The following ASPRV1 variants were observed in gnomAD, a reference collection of about 807,000 sequenced individuals.
ASPRV1 encodes the protein aspartic peptidase retroviral like 1.
A neutral mutation model predicts 11.0 loss-of-function variants in ASPRV1; 7 were observed. The observed-to-expected ratio is 0.64, with a 90% CI of 0.36 to 1.20. The LOEUF is 1.20. Ranked by LOEUF, ASPRV1 falls within the 50% of genes most tolerant of loss-of-function variation. ASPRV1 has a pLI of 0.02. For missense variants in ASPRV1, 299 were observed against 320.0 expected (o/e 0.93, Z 0.50); for synonymous variants, 136 against 138.4 (o/e 0.98, Z 0.12).
the ASPRV1 span, among the ~76,000 whole-genome samples, chr2:69,993,155 T>C: frequency 4.6e-5 from 7 of 152,208 alleles, no homozygotes; most frequent in Non-Finnish European, 8.8e-5. Context: ...CCTCGGCAAG[T>C]GGGCTGCCCT....
the ASPRV1 span, among the ~76,000 whole-genome samples, chr2:69,950,185 C>CA: frequency 6.6e-6 from 1 of 152,042 alleles, no homozygotes; most frequent in African/African-American, 2.4e-5. Context: ...AGTAAGCACC[C>CA]AAAAAAACAC....
At chr2:69,989,661 G>A in the ASPRV1 span, among the ~76,000 whole-genome samples, 1 of 152,242 alleles carries the variant, frequency 6.6e-6, no homozygotes, top group African/African-American at 2.4e-5. Context: ...AAAACAAGAT[G>A]CTGAAATGCT....
chr2:70,043,414 T>A, the ASPRV1 span, among the ~76,000 whole-genome samples: 3 of 150,524 alleles, frequency 2.0e-5, no homozygotes, highest in African/African-American at 2.5e-5. Context: ...TAAGACAGAG[T>A]CTCGCATTTA....
At chr2:69,957,290 A>G (rs1280633820), downstream of ASPRV1, among the ~76,000 whole-genome samples, 3 of 152,136 alleles carry the variant, frequency 2.0e-5, no homozygotes, top group Non-Finnish European at 4.4e-5. Flanking sequence ...ATATATATAG[A>G]TAGGAGAAAA....
the ASPRV1 span, among the ~76,000 whole-genome samples, chr2:70,061,387 T>A: frequency 7.0e-6 from 1 of 143,352 alleles, no homozygotes; most frequent in South Asian, 2.3e-4. Flanking sequence ...AGAGTGAGAC[T>A]CTGTCTCAAA....
At chr2:70,036,392 T>G in the ASPRV1 span, among the ~76,000 whole-genome samples, 1 of 151,860 alleles carries the variant, frequency 6.6e-6, no homozygotes, top group African/African-American at 2.4e-5. Flanking sequence ...TAAGCTGTAA[T>G]GGCAATACAA....
At chr2:70,033,631 C>A in the ASPRV1 span, among the ~76,000 whole-genome samples, 1 of 152,274 alleles carries the variant, frequency 6.6e-6, no homozygotes, top group South Asian at 2.1e-4. Context: ...TCACTCACTA[C>A]CACCATTCTG....
At chr2:69,995,788 A>AAG in the ASPRV1 span, among the ~76,000 whole-genome samples, 1 of 152,186 alleles carries the variant, frequency 6.6e-6, no homozygotes, top group Non-Finnish European at 1.5e-5. Context: ...GGGCAGTACT[A>AAG]GACACCGCCT....
chr2:69,984,894 T>G, the ASPRV1 span, among the ~76,000 whole-genome samples: 3 of 150,172 alleles, frequency 2.0e-5, no homozygotes, highest in Admixed American at 6.6e-5. Context: ...TCTCGCTCTG[T>G]CGCCCAGGCT....
the ASPRV1 span, chr2:69,941,317 C>G: frequency 6.6e-6 from 1 of 152,146 alleles, no homozygotes; most frequent in Non-Finnish European, 1.5e-5. Context: ...GAATGGTGGG[C>G]CGAGCACCCA....
At chr2:70,034,539 T>G in the ASPRV1 span, among the ~76,000 whole-genome samples, 1 of 150,124 alleles carries the variant, frequency 6.7e-6, no homozygotes, top group African/African-American at 2.5e-5. Flanking sequence ...CCACTGCACT[T>G]GAGCCTGGGC....
At position 69,960,598 on chromosome 2, in the gene ASPRV1, C is replaced by G; in HGVS notation, c.*59G>C. 1 of 1,518,534 alleles carries G rather than the reference C, an allele frequency of 6.6e-7. No individual in the cohort carries two copies. Among genetic ancestry groups the G allele is most frequent in the Non-Finnish European group, 8.9e-7 (1 of 1,126,868 alleles). The allele number at this position is 1,518,534 out of a possible 1,614,324, so 94.1% of individuals were successfully genotyped here. A position where few individuals can be genotyped will look rare whatever the true frequency, so the allele number is the denominator to read the frequency against. On this transcript the variant is annotated 3_prime_UTR_variant, in exon 1 of 1. Transcript: ENST00000320256. ...GTGACCCCCATGAGGATATGCAACC[C>G]CCCCCACAGCGGTGGGTCTTCCCAC... is the stretch of plus-strand genomic sequence containing the variant.
At chr2:69,938,403 A>C in the ASPRV1 span, 2 of 1,036,386 alleles carry the variant, frequency 1.9e-6, no homozygotes, top group Non-Finnish European at 2.8e-6. Context: ...CCTTGACCAA[A>C]ATCAGCTTTG....
At chr2:69,957,780 T>G (rs970432573), downstream of ASPRV1, among the ~76,000 whole-genome samples, 2 of 152,148 alleles carry the variant, frequency 1.3e-5, no homozygotes, top group Non-Finnish European at 2.9e-5. Context: ...CCAAGCCTGC[T>G]GCACTTTGGG....
At chr2:70,025,533 G>A in the ASPRV1 span, among the ~76,000 whole-genome samples, 1 of 152,188 alleles carries the variant, frequency 6.6e-6, no homozygotes, top group African/African-American at 2.4e-5. Context: ...CTATCCATGG[G>A]GTGGGAGGAA....
chr2:70,040,544 A>C, the ASPRV1 span, among the ~76,000 whole-genome samples: 1 of 152,276 alleles, frequency 6.6e-6, no homozygotes, highest in Middle Eastern at 3.4e-3. Flanking sequence ...ATTAATACTT[A>C]GCAAATACCG....
At chr2:69,963,191 G>A (rs1481168476), upstream of ASPRV1, 2 of 444,274 alleles carry the variant, frequency 4.5e-6, no homozygotes, top group Non-Finnish European at 9.1e-6. Context: ...GAGGCAGTTG[G>A]GTCAACACCT....
chr2:69,959,538 G>A (rs1678015068), downstream of ASPRV1, among the ~76,000 whole-genome samples: 1 of 151,862 alleles, frequency 6.6e-6, no homozygotes, highest in Non-Finnish European at 1.5e-5. Flanking sequence ...CCTCCATCAG[G>A]TCATCTAGTT....
At chr2:70,009,605 C>T in the ASPRV1 span, among the ~76,000 whole-genome samples, 1 of 152,192 alleles carries the variant, frequency 6.6e-6, no homozygotes, top group Admixed American at 6.5e-5. Context: ...GCTGGGATTA[C>T]AGGCGTGAGC....
Sources: allele counts gnomAD v4.1 joint callset (sites outside exome capture counted in the v4.1 genomes callset), GRCh38; gene constraint gnomAD v4.1.1; transcripts MANE v1.5; gene names NCBI Gene and HGNC (gene_info 2026-07-23, HGNC 2026-07-21).